The following LRRC1 variants were observed in gnomAD, a reference collection of about 807,000 sequenced individuals.
LRRC1 encodes leucine rich repeat containing 1.
A neutral mutation model predicts 69.9 loss-of-function variants in LRRC1; 28 were observed. The ratio of observed to expected loss-of-function variants is 0.40; its 90% CI spans 0.30 to 0.55. The LOEUF is 0.55. LRRC1 is among the 20% of genes least tolerant of loss of function. LRRC1 has a pLI of 0.47. For synonymous variants in LRRC1, 236 were observed against 240.2 expected, an observed-to-expected ratio of 0.98 and a Z score of 0.16; for missense variants, 498 against 609.0, an observed-to-expected ratio of 0.82 and a Z score of 1.92.
rs773690743 is a variant in LRRC1 at position 53,795,424 on chromosome 6, C to T, written c.159+9C>T. 13 of 1,607,424 alleles carry T rather than the reference C, an allele frequency of 8.1e-6. No individual in the cohort carries two copies. Among genetic ancestry groups the T allele is most frequent in the Non-Finnish European group, 1.1e-5 (13 of 1,178,514 alleles). ...TCCGCGAGCTGCCCGAGGTAAGGGT[C>T]CGGCCTCACCTGAGCGCTCTGCCCG... On this transcript the variant is annotated intron_variant, in intron 1 of 13. Coordinates refer to ENST00000370888, the MANE Select transcript of LRRC1 (RefSeq NM_018214.5).
At position 53,896,852 on chromosome 6, in the gene LRRC1, TAGA is replaced by T; in HGVS notation, c.532_534del (p.Glu178del). 1 of 1,602,784 alleles carries T rather than the reference TAGA, an allele frequency of 6.2e-7. No homozygotes were observed. Among genetic ancestry groups the T allele is most frequent in the Non-Finnish European group, 8.5e-7 (1 of 1,170,080 alleles). On this transcript the variant is annotated inframe_deletion, in exon 6 of 14. Coordinates refer to ENST00000370888, the MANE Select transcript of LRRC1 (RefSeq NM_018214.5). ...AGCTCTCTTACCCAGCTGCGAAGACTAGAAGAACTTGATTTAGGAAACAATGAA... is the reference window on the plus strand; with the variant it reads ...AGCTCTCTTACCCAGCTGCGAAGACTAGAACTTGATTTAGGAAACAATGAA...
At chr6:53,797,341 A>G (rs1764331450) in intron 1 of LRRC1, among the ~76,000 whole-genome samples, 1 of 152,184 alleles carries the variant, frequency 6.6e-6, no homozygotes, top group African/African-American at 2.4e-5. Context: ...AATTAGTATT[A>G]AAGTTTTTAG....
At chr6:53,883,049 C>T in intron 4 of LRRC1, 73 bp downstream of exon 4, 1 of 857,578 alleles carries the variant, frequency 1.2e-6, no homozygotes, top group Admixed American at 2.8e-5. Context: ...GCCTCCTTCC[C>T]TTTTAAAGCT....
chr6:53,883,527 G>T lies in LRRC1; in HGVS notation c.446+551G>T, dbSNP rs1226715382. On this transcript the variant is annotated intron_variant, in intron 4 of 13. Transcript: ENST00000370888. ...TCCATGTTGCCGGCTTAGAGGTTGT[G>T]GAGAACCTAGTCATGGCAAGAAATA... 2.6e-5 allele frequency among the ~76,000 whole-genome samples: 4 copies of T among 152,332 alleles called. No homozygotes were observed. In the East Asian group the frequency reaches 7.7e-4, roughly 29 times the overall value.
chr6:53,807,639 G>T (rs1764669850), intron 1 of LRRC1, among the ~76,000 whole-genome samples: 1 of 151,510 alleles, frequency 6.6e-6, no homozygotes, highest in African/African-American at 2.4e-5. Flanking sequence ...CAGCTACTTG[G>T]CAGGCTGAGG....
intron 2 of LRRC1, among the ~76,000 whole-genome samples, chr6:53,867,433 T>G (rs1182995535): frequency 6.6e-6 from 1 of 151,190 alleles, no homozygotes; most frequent in African/African-American, 2.5e-5. Flanking sequence ...TTCTAAAGTA[T>G]GACTATAAAT....
chr6:53,905,207 G>T (rs371129100), intron 10 of LRRC1: 1 of 152,268 alleles, frequency 6.6e-6, no homozygotes, highest in African/African-American at 2.4e-5. Context: ...GGTGGCGGGC[G>T]CCTGTAGTCC....
chr6:53,887,297 T>C (rs538385193), intron 4 of LRRC1, among the ~76,000 whole-genome samples: 10 of 152,360 alleles, frequency 6.6e-5, no homozygotes, highest in African/African-American at 2.4e-4. Flanking sequence ...AATAAATTTA[T>C]TTTTAAAGAA....
intron 10 of LRRC1, among the ~76,000 whole-genome samples, chr6:53,909,996 T>G (rs967346384): frequency 1.3e-5 from 2 of 152,156 alleles, no homozygotes; most frequent in African/African-American, 4.8e-5. Context: ...TGTCTCATGA[T>G]CTCCTCCTTG....
chr6:53,894,351 C>G (rs1026951318), intron 4 of LRRC1, among the ~76,000 whole-genome samples: 1 of 152,162 alleles, frequency 6.6e-6, no homozygotes, highest in Non-Finnish European at 1.5e-5. Flanking sequence ...CCCCTTGGCT[C>G]TGGTCTATGT....
chr6:53,811,845 G>A (rs532690977), intron 1 of LRRC1, among the ~76,000 whole-genome samples: 1 of 152,364 alleles, frequency 6.6e-6, no homozygotes, highest in African/African-American at 2.4e-5. Context: ...AATCTGACAG[G>A]CCCTGTCGAT....
intron 11 of LRRC1, among the ~76,000 whole-genome samples, chr6:53,916,893 A>G (rs1240040118): frequency 1.3e-5 from 2 of 152,210 alleles, no homozygotes; most frequent in Non-Finnish European, 2.9e-5. Flanking sequence ...ACTGGAGACA[A>G]GAGGCTTACA....
In LRRC1 at chr6:53,913,924, T is replaced by G; in HGVS notation, c.1061T>G (p.Val354Gly). ...DNRLTRIPAE[V>G]SQATELHVLD... ...AGACTAACTCGGATACCTGCAGAGG[T>G]GTCACAGGCAACAGAACTTCATGTC... Residue 354 changes from valine to glycine, a missense_variant, in exon 11 of 14, where the codon GTG becomes GGG. Physicochemically the swap from Val to Gly is moderately radical, Grantham distance 109. Transcript: ENST00000370888. The G allele has an allele frequency of 6.2e-7, 1 of 1,611,736 alleles. No homozygotes were observed. Among genetic ancestry groups the G allele is most frequent in the Non-Finnish European group, 8.5e-7 (1 of 1,178,432 alleles).
rs9463984 is a variant in LRRC1, at chr6:53,835,947, G to A, written c.160-6163G>A. On this transcript the variant is annotated intron_variant, in intron 1 of 13. Coordinates refer to ENST00000370888, the MANE Select transcript of LRRC1 (RefSeq NM_018214.5). Reference sequence around the variant, plus strand: ...TTCTCTACTCCCTTAAATATGGGCCGACTTTGTGACTTGCTTTGACCAATT... The same window carrying A: ...TTCTCTACTCCCTTAAATATGGGCCAACTTTGTGACTTGCTTTGACCAATT... Among the ~76,000 whole-genome samples the A allele has an allele frequency of 2.0e-3, 298 of 152,220 alleles. 1 individual carries two copies. The highest frequency in any genetic ancestry group is 6.8e-3 in the African/African-American group (282 of 41,520).
chr6:53,919,582 A>G lies in LRRC1; in HGVS notation c.1191A>G (p.Thr397=). 6.2e-7 allele frequency: 1 copy of G among 1,613,642 alleles called. No individual in the cohort carries two copies. The highest frequency in any genetic ancestry group is 8.5e-7 in the Non-Finnish European group (1 of 1,179,938). The change falls in exon 12 of 14, where the codon ACA becomes ACG. Residue 397 remains threonine (T), a synonymous_variant. Coordinates refer to ENST00000370888, the MANE Select transcript of LRRC1 (RefSeq NM_018214.5). The part of the protein sequence containing the change: ...LSDNQSQPLL[T]FQTDTDYTTG... ...ACAACCAGTCCCAGCCCCTGCTTAC[A>G]TTCCAGACAGACACAGACTACACCA... is the stretch of plus-strand genomic sequence containing the variant.
Position 53,795,301 on chromosome 6 carries a change from G to A in LRRC1, c.45G>A (p.Glu15=), listed in dbSNP as rs1764257200. The change falls in exon 1 of 14, where the codon GAG becomes GAA. Residue 15 remains glutamate, a synonymous_variant. Transcript: ENST00000370888. ...IPLWRCNRHV[E]SIDKRHCSLV... is the part of the protein sequence containing the mutation. Reference sequence around the variant, plus strand: ...TGTGGCGGTGCAACCGTCATGTGGAGAGCATCGACAAGCGCCACTGCTCGC... The same window carrying A: ...TGTGGCGGTGCAACCGTCATGTGGAAAGCATCGACAAGCGCCACTGCTCGC... 2 of 1,613,194 alleles carry A rather than the reference G, an allele frequency of 1.2e-6. No homozygotes were observed. Among genetic ancestry groups the A allele is most frequent in the East Asian group, 4.5e-5 (2 of 44,856 alleles).
chr6:53,881,753 AAG>A (rs1356583031), intron 3 of LRRC1, among the ~76,000 whole-genome samples: 2 of 152,226 alleles, frequency 1.3e-5, no homozygotes, highest in Non-Finnish European at 2.9e-5. Flanking sequence ...CAGTGAAAAA[AAG>A]TGATACTTAA....
intron 1 of LRRC1, among the ~76,000 whole-genome samples, chr6:53,799,169 G>A (rs1476980954): frequency 6.6e-6 from 1 of 152,218 alleles, no homozygotes; most frequent in Non-Finnish European, 1.5e-5. Flanking sequence ...GAGTTCAGTT[G>A]ATTTTTGTTG....
chr6:53,829,038 T>C (rs1765350354), intron 1 of LRRC1, among the ~76,000 whole-genome samples: 1 of 152,244 alleles, frequency 6.6e-6, no homozygotes, highest in African/African-American at 2.4e-5. Context: ...TGAAAACCTG[T>C]ATTTACTGTA....
Sources: allele counts gnomAD v4.1 joint callset (sites outside exome capture counted in the v4.1 genomes callset), GRCh38; gene constraint gnomAD v4.1.1; transcripts MANE v1.5; gene names NCBI Gene and HGNC (gene_info 2026-07-23, HGNC 2026-07-21).